Variants in PSMD6 observed in about 807,000 individuals in gnomAD.
PSMD6 encodes proteasome 26S subunit, non-ATPase 6, also known as 26S proteasome non-ATPase regulatory subunit 6.
Under a neutral mutation model 44.9 loss-of-function variants are expected in PSMD6, and 7 were observed. The ratio of observed to expected loss-of-function variants is 0.16; its 90% CI spans 0.09 to 0.29. The LOEUF (loss-of-function observed/expected upper bound fraction) is 0.29, where lower values mean the gene tolerates loss of function less well. Ranked by LOEUF, PSMD6 falls within the 10% of genes least tolerant of loss-of-function variation. PSMD6 has a pLI of 1.00. For synonymous variants in PSMD6, 184 were observed against 172.7 expected, an observed-to-expected ratio of 1.07 and a Z score of -0.51; for missense variants, 420 against 482.6, an observed-to-expected ratio of 0.87 and a Z score of 1.21.
chr3:64,021,940 G>C (rs2106874934), intron 2 of PSMD6, among the ~76,000 whole-genome samples: 1 of 152,286 alleles, frequency 6.6e-6, no homozygotes, highest in South Asian at 2.1e-4. Context: ...CTGTTTCTTA[G>C]TTTCTGCTAA....
chr3:64,021,960 G>A (rs950176498), intron 2 of PSMD6, among the ~76,000 whole-genome samples: 1 of 152,134 alleles, frequency 6.6e-6, no homozygotes. Context: ...AGTATTACTC[G>A]TGTAAAGTAC....
At chr3:64,022,225 GAAGTT>G (rs1677199283) in intron 2 of PSMD6, 88 bp downstream of exon 2, 1 of 1,376,392 alleles carries the variant, frequency 7.3e-7, no homozygotes, top group Non-Finnish European at 1.0e-6. Context: ...TTTCTAAAAC[GAAGTT>G]AATTTTTTTA....
Position 64,023,438 on chromosome 3 carries a change from G to T in PSMD6, c.-19C>A. ...GCGGCATCGCGGCGAAGGGGACAGC[G>T]GCTGACAGGACACAACTTGGTTACG... On this transcript the variant is annotated 5_prime_UTR_variant, in exon 1 of 8. Coordinates refer to ENST00000295901, the MANE Select transcript of PSMD6 (RefSeq NM_014814.3). The T allele has an allele frequency of 6.3e-7, 1 of 1,584,764 alleles. No homozygotes were observed. Among genetic ancestry groups the T allele is most frequent in the Non-Finnish European group, 8.6e-7 (1 of 1,161,386 alleles).
intron 1 of PSMD6, 137 bp from the exon 2 acceptor site, chr3:64,022,660 C>A (rs1391638920): frequency 1.3e-6 from 2 of 1,545,646 alleles, no homozygotes; most frequent in Non-Finnish European, 1.7e-6. Context: ...CATGCGATGG[C>A]GCTTAATAAT....
At chr3:64,015,862 T>A (rs1250131129) in intron 5 of PSMD6, 1 of 152,166 alleles carries the variant, frequency 6.6e-6, no homozygotes, top group Non-Finnish European at 1.5e-5. Context: ...CTTCGGTTTT[T>A]AAATGTTTTT....
intron 5 of PSMD6, chr3:64,016,251 T>C (rs2076042361): frequency 1.3e-5 from 2 of 152,134 alleles, no homozygotes; most frequent in East Asian, 1.9e-4. Context: ...AAAATCACCG[T>C]CTCAGGAAAA....
chr3:64,014,269 A>G (rs937230585), intron 5 of PSMD6: 7 of 152,216 alleles, frequency 4.6e-5, no homozygotes, highest in African/African-American at 1.4e-4. Context: ...ATTTTACTGA[A>G]TAACTCCTGT....
intron 1 of PSMD6, 136 bp downstream of exon 1, chr3:64,023,139 G>A (rs1378230978): frequency 3.7e-5 from 52 of 1,422,992 alleles, no homozygotes; most frequent in Non-Finnish European, 4.6e-5. Context: ...AACCCTAAGG[G>A]CCGGAGAAGC....
At chr3:64,023,687 T>A, upstream of PSMD6, 1 of 1,470,912 alleles carries the variant, frequency 6.8e-7, no homozygotes, top group Non-Finnish European at 9.0e-7. Flanking sequence ...AAAGCCCAAT[T>A]TCTTGAATCT....
rs139343115 is a variant in PSMD6, at chr3:64,013,468, C to T, written c.966G>A (p.Ala322=). Residue 322 remains alanine (A), a synonymous_variant, in exon 6 of 8, where the codon GCG becomes GCA. Transcript: ENST00000295901. ...RSLTLGYMAE[A]FGVGVEFIDQ... The stretch of plus-strand genomic sequence containing the variant: ...CAATGAATTCCACACCAACACCAAA[C>T]GCTTCTGCCATATAGCCAAGGGTTA... 4.3e-5 allele frequency: 69 copies of T among 1,595,270 alleles called. No homozygotes were observed. The highest frequency in any genetic ancestry group is 5.4e-5 in the Non-Finnish European group (63 of 1,173,088).
chr3:64,024,007 T>C (rs893839052), upstream of PSMD6: 4 of 465,892 alleles, frequency 8.6e-6, no homozygotes, highest in Non-Finnish European at 1.1e-5. Context: ...ACATTCTTTC[T>C]GCGGTTTTAA....
chr3:64,018,690 C>G lies in PSMD6; in HGVS notation c.735G>C (p.Glu245Asp). 2 of 1,601,074 alleles carry G rather than the reference C, an allele frequency of 1.2e-6. No individual in the cohort carries two copies. Among genetic ancestry groups the G allele is most frequent in the Non-Finnish European group, 1.7e-6 (2 of 1,168,808 alleles). The change falls in exon 5 of 8, where the codon GAG (glutamate) becomes GAC (aspartate). Residue 245 changes from glutamate to aspartate, a missense_variant. Physicochemically the swap from Glu to Asp is conservative, Grantham distance 45. This residue lies in a region of PSMD6 where 216 missense variants were observed against 227.0 expected (regional missense o/e 0.95). Coordinates refer to ENST00000295901, the MANE Select transcript of PSMD6 (RefSeq NM_014814.3). ...DLREKVIKGA[E>D]ILEVLHSLPA... is the part of the protein sequence containing the mutation. ...GAAGACTGTGCAACACTTCAAGAAT[C>G]TCTGCTCCTTTAATGACCTAGGTAT...
Position 64,010,846 on chromosome 3 carries a change from GGAATGCCCCTTATTCTGAGAAAT to G in PSMD6, c.1073+9_1073+31del. ...ATAGTTGACCTACTTTTAAAATTTAGGAATGCCCCTTATTCTGAGAAATGAGAGTACCTGTTGGTTTCTACTAT... is the reference window on the plus strand; with the variant it reads ...ATAGTTGACCTACTTTTAAAATTTAGGAGAGTACCTGTTGGTTTCTACTAT... On this transcript the variant is annotated intron_variant, in intron 7 of 7. Coordinates refer to ENST00000295901, the MANE Select transcript of PSMD6 (RefSeq NM_014814.3). 6.3e-7 allele frequency: 1 copy of G among 1,581,322 alleles called. No individual in the cohort carries two copies. The highest frequency in any genetic ancestry group is 8.7e-7 in the Non-Finnish European group (1 of 1,155,020).
chr3:64,023,576 C>T (rs1182821851), upstream of PSMD6: 7 of 1,413,138 alleles, frequency 5.0e-6, no homozygotes, highest in Non-Finnish European at 6.5e-6. Context: ...CCTCCGGGAA[C>T]GCCTCACCCG....
At chr3:64,014,483 G>C (rs1270062847) in intron 5 of PSMD6, 1 of 152,100 alleles carries the variant, frequency 6.6e-6, no homozygotes, top group African/African-American at 2.4e-5. Flanking sequence ...TCAGGGGCTG[G>C]CTAAGCACAG....
intron 6 of PSMD6, chr3:64,011,829 G>A (rs1043622386): frequency 6.6e-6 from 1 of 152,258 alleles, no homozygotes. Context: ...CCTGACCAAG[G>A]CCACAGAGCT....
chr3:64,022,663 T>G, intron 1 of PSMD6, 140 bp from the exon 2 acceptor site: 1 of 1,543,266 alleles, frequency 6.5e-7, no homozygotes, highest in Non-Finnish European at 8.7e-7. Context: ...GCGATGGCGC[T>G]TAATAATCGG....
chr3:64,010,824 G>A (rs867330284), intron 7 of PSMD6, 54 bp downstream of exon 7: 4 of 1,574,300 alleles, frequency 2.5e-6, no homozygotes, highest in Non-Finnish European at 3.5e-6. Context: ...CATGACAATA[G>A]TTGACCTACT....
At chr3:64,017,060 G>GT (rs1340869230) in intron 5 of PSMD6, 1 of 152,208 alleles carries the variant, frequency 6.6e-6, no homozygotes, top group Admixed American at 6.5e-5. Flanking sequence ...AAAAAGCCAC[G>GT]TATTTTATGA....
Sources: gnomAD v4.1 joint callset for allele counts (sites outside exome capture counted in the v4.1 genomes callset) on GRCh38, gnomAD v4.1.1 for gene constraint, gnomAD v4.1.1 regional missense constraint, MANE v1.5 for transcripts, NCBI Gene and HGNC (gene_info 2026-07-23, HGNC 2026-07-21) for gene names.